Variants in ST7 observed in about 807,000 individuals in gnomAD.
ST7 encodes the protein suppressor of tumorigenicity 7 protein.
Under a neutral mutation model 78.7 loss-of-function variants are expected in ST7, and 28 were observed. The ratio of observed to expected loss-of-function variants is 0.36; its 90% CI spans 0.26 to 0.49. The LOEUF (loss-of-function observed/expected upper bound fraction) is 0.49, where lower values mean the gene tolerates loss of function less well. ST7 is among the 20% of genes least tolerant of loss of function. The probability of loss-of-function intolerance (pLI) is 0.99; values close to 1 mark genes in which losing one functional copy is unlikely to be tolerated. For synonymous variants in ST7, 247 were observed against 249.6 expected, an observed-to-expected ratio of 0.99 and a Z score of 0.10; for missense variants, 418 against 696.0, an observed-to-expected ratio of 0.60 and a Z score of 4.49.
chr7:117,230,046 T>G lies in ST7; in HGVS notation c.*189T>G. Reference sequence around the variant, plus strand: ...AAATTCACTGATGTTCAGTTCTATTTTATTTTGCCTTCAGAAAAGAAGAAA... The same window carrying G: ...AAATTCACTGATGTTCAGTTCTATTGTATTTTGCCTTCAGAAAAGAAGAAA... On this transcript the variant is annotated 3_prime_UTR_variant, in exon 16 of 16. Transcript: ENST00000323984. 1 of 726,780 alleles carries G rather than the reference T, an allele frequency of 1.4e-6. No individual in the cohort carries two copies. The highest frequency in any genetic ancestry group is 2.5e-6 in the Non-Finnish European group (1 of 393,370). The allele number at this position is 726,780 out of a possible 1,614,324, so 45.0% of individuals were successfully genotyped here.
intron 1 of ST7, chr7:117,098,934 A>G: frequency 1.1e-6 from 1 of 908,038 alleles, no homozygotes; most frequent in South Asian, 1.6e-5. Context: ...AGTGAGCAAC[A>G]AGGTTAACTG....
chr7:117,047,048 G>C (rs533510136), intron 1 of ST7, among the ~76,000 whole-genome samples: 123 of 152,264 alleles, frequency 8.1e-4, no homozygotes, highest in Non-Finnish European at 1.4e-3. Flanking sequence ...TTACAGCAAA[G>C]TTTTCTGGAG....
chr7:116,983,085 A>T (rs1196569041), intron 1 of ST7, among the ~76,000 whole-genome samples: 10 of 152,054 alleles, frequency 6.6e-5, no homozygotes. Flanking sequence ...TTGAGTAGAG[A>T]TGTGGTTTCA....
At chr7:116,968,247 A>C (rs1173360381) in intron 1 of ST7, among the ~76,000 whole-genome samples, 872 of 52,538 alleles carry the variant, frequency 0.017, no homozygotes, top group Admixed American at 0.018. Context: ...CCCCTCCCCT[A>C]CTTCCCTCTC....
intron 1 of ST7, among the ~76,000 whole-genome samples, chr7:116,997,314 C>T (rs1441107529): frequency 6.6e-6 from 1 of 152,146 alleles, no homozygotes; most frequent in African/African-American, 2.4e-5. Flanking sequence ...CTTTTATTCC[C>T]TTATCTGACC....
In ST7 at chr7:116,999,808, C is replaced by CTTTTTTTT. The variant is rs71148356; in HGVS notation, c.151+46130_151+46137dup. ...TTTGCTTGTGCCTAGAATTTTCTTT[C>CTTTTTTTT]TTTTTTTTTTTTTTTTTTTTGAGAC... is the stretch of plus-strand genomic sequence containing the variant. On this transcript the variant is annotated intron_variant, in intron 1 of 15. Coordinates refer to ENST00000323984, the MANE Select transcript of ST7 (RefSeq NM_001369598.1). 1.5e-4 allele frequency among the ~76,000 whole-genome samples: 16 copies of CTTTTTTTT among 104,428 alleles called. 2 individuals carry two copies. The highest frequency in any genetic ancestry group is 2.8e-4 in the East Asian group (1 of 3,610). 68.5% of individuals were successfully genotyped at this position (104,428 alleles called of 152,430 possible). A position where few individuals can be genotyped will look rare whatever the true frequency, so the allele number is the denominator to read the frequency against.
chr7:117,067,300 A>G (rs151140167), intron 1 of ST7, among the ~76,000 whole-genome samples: 1 of 152,134 alleles, frequency 6.6e-6, no homozygotes, highest in Non-Finnish European at 1.5e-5. Context: ...TATCATTTAC[A>G]TTTTGAAGAA....
chr7:117,022,150 T>C lies in ST7; in HGVS notation c.151+68459T>C, dbSNP rs149656698. On this transcript the variant is annotated intron_variant, in intron 1 of 15. Coordinates refer to ENST00000323984, the MANE Select transcript of ST7 (RefSeq NM_001369598.1). ...ATCATCAAACCTGATCTTTTGATAA[T>C]ATCACCTATGCGCTGTATGGTATGT... Among the ~76,000 whole-genome samples the C allele has an allele frequency of 6.6e-5, 10 of 152,346 alleles. No individual in the cohort carries two copies. In the East Asian group the frequency reaches 1.4e-3, roughly 21 times the overall value.
intron 10 of ST7, among the ~76,000 whole-genome samples, chr7:117,177,240 G>A (rs1473014727): frequency 6.6e-6 from 1 of 152,170 alleles, no homozygotes; most frequent in Non-Finnish European, 1.5e-5. Context: ...ACTATATATT[G>A]CATTGAGCAA....
intron 1 of ST7, among the ~76,000 whole-genome samples, chr7:116,977,336 A>G (rs1030154686): frequency 2.0e-5 from 3 of 152,216 alleles, no homozygotes; most frequent in African/African-American, 7.2e-5. Context: ...GTGGGTTTCA[A>G]TAAATGGATT....
chr7:117,017,241 C>T (rs765311675), intron 1 of ST7, among the ~76,000 whole-genome samples: 9 of 152,158 alleles, frequency 5.9e-5, no homozygotes, highest in Non-Finnish European at 1.3e-4. Context: ...TGACACGTCA[C>T]GTGTTTGTTT....
At chr7:117,121,606 A>C (rs970346956) in intron 3 of ST7, among the ~76,000 whole-genome samples, 1 of 152,144 alleles carries the variant, frequency 6.6e-6, no homozygotes, top group Non-Finnish European at 1.5e-5. Flanking sequence ...ATGTTTTAGA[A>C]CTGGTGGCTC....
intron 9 of ST7, among the ~76,000 whole-genome samples, chr7:117,161,857 C>T (rs1807183749): frequency 6.6e-6 from 1 of 152,082 alleles, no homozygotes; most frequent in Admixed American, 6.5e-5. Flanking sequence ...GCCTTGGCCT[C>T]CCAAAGTGCT....
chr7:117,174,187 A>G (rs1053241785), intron 10 of ST7, among the ~76,000 whole-genome samples: 1 of 152,174 alleles, frequency 6.6e-6, no homozygotes, highest in Non-Finnish European at 1.5e-5. Flanking sequence ...CTATATTGCT[A>G]TCCTCAGGAT....
intron 1 of ST7, among the ~76,000 whole-genome samples, chr7:117,083,743 TC>T (rs1176774434): frequency 2.6e-5 from 4 of 152,208 alleles, no homozygotes; most frequent in Admixed American, 1.3e-4. Context: ...AAGCATATTC[TC>T]TTAATTCTCA....
intron 1 of ST7, among the ~76,000 whole-genome samples, chr7:117,048,729 G>A (rs1041335933): frequency 6.6e-6 from 1 of 152,164 alleles, no homozygotes; most frequent in Non-Finnish European, 1.5e-5. Flanking sequence ...TATTGTTTCA[G>A]GTTTGGTGGC....
At chr7:117,133,215 T>C (rs1345632230) in intron 6 of ST7, among the ~76,000 whole-genome samples, 2 of 151,938 alleles carry the variant, frequency 1.3e-5, no homozygotes, top group Non-Finnish European at 2.9e-5. Flanking sequence ...CTTCTTCCCC[T>C]TTTTGAAAAT....
chr7:117,083,661 T>C (rs539284545), intron 1 of ST7, among the ~76,000 whole-genome samples: 3 of 152,352 alleles, frequency 2.0e-5, no homozygotes, highest in African/African-American at 7.2e-5. Flanking sequence ...ATAAAATTAT[T>C]AGCACACAAT....
chr7:117,142,108 A>G (rs1563116073), intron 9 of ST7, among the ~76,000 whole-genome samples: 1 of 151,996 alleles, frequency 6.6e-6, no homozygotes, highest in Non-Finnish European at 1.5e-5. Context: ...ATACGATACA[A>G]TTTCTTTTTT....
Sources: allele counts gnomAD v4.1 joint callset (sites outside exome capture counted in the v4.1 genomes callset), GRCh38; gene constraint gnomAD v4.1.1; transcripts MANE v1.5; gene names NCBI Gene and HGNC (gene_info 2026-07-23, HGNC 2026-07-21).